AKAP19: variants seen among roughly 807,000 people sequenced by gnomAD.
AKAP19 encodes the protein A-kinase anchoring protein 19, also known as small A-kinase anchoring protein.
At chr2:190,004,434 G>A in the AKAP19 span, among the ~76,000 whole-genome samples, 1 of 151,926 alleles carries the variant, frequency 6.6e-6, no homozygotes, top group Non-Finnish European at 1.5e-5. Context: ...GTGACCCGTA[G>A]GGCCTTTTAC....
the AKAP19 span, among the ~76,000 whole-genome samples, chr2:190,115,293 ATATATATATTTTTTTTTTTTTTTTTTTTT>A: frequency 1.3e-4 from 1 of 7,582 alleles, no homozygotes; most frequent in African/African-American, 6.3e-4. Flanking sequence ...ATATATATAT[ATATATATATTTTTTTTTTTTTTTTTTTTT>A]TTTTTTTTTT....
the AKAP19 span, among the ~76,000 whole-genome samples, chr2:190,157,365 T>TACACACACACACACACACAC: frequency 8.5e-3 from 1,000 of 117,032 alleles, 13 homozygotes; most frequent in Middle Eastern, 0.016. Flanking sequence ...CCTAAACTTG[T>TACACACACACACACACACAC]ATACACACAC....
chr2:189,964,845 T>A, the AKAP19 span, among the ~76,000 whole-genome samples: 1 of 152,234 alleles, frequency 6.6e-6, no homozygotes, highest in Admixed American at 6.5e-5. Context: ...TCCAGACAAC[T>A]CAAACTTCCT....
At chr2:190,062,776 A>T in the AKAP19 span, 1 of 588,740 alleles carries the variant, frequency 1.7e-6, no homozygotes, top group South Asian at 2.1e-5. Flanking sequence ...CTTAGATGAG[A>T]CAAGTGTCGT....
chr2:190,173,431 C>T, the AKAP19 span, among the ~76,000 whole-genome samples: 1 of 152,218 alleles, frequency 6.6e-6, no homozygotes, highest in African/African-American at 2.4e-5. Context: ...GCAGAACTCA[C>T]TCTGTCCTCA....
At chr2:190,165,733 A>G in the AKAP19 span, among the ~76,000 whole-genome samples, 2 of 152,214 alleles carry the variant, frequency 1.3e-5, no homozygotes, top group African/African-American at 4.8e-5. Context: ...AGTCAAAGAG[A>G]TAATAGCTGA....
At chr2:190,111,744 GA>G in the AKAP19 span, among the ~76,000 whole-genome samples, 2 of 152,058 alleles carry the variant, frequency 1.3e-5, no homozygotes. Flanking sequence ...GGTTGGGGGG[GA>G]AAGAAGCAGA....
the AKAP19 span, among the ~76,000 whole-genome samples, chr2:190,054,059 A>G: frequency 6.6e-6 from 1 of 152,204 alleles, no homozygotes; most frequent in East Asian, 1.9e-4. Context: ...CAAAGTTCAG[A>G]TAAGTGTACC....
At chr2:190,023,741 C>T in the AKAP19 span, among the ~76,000 whole-genome samples, 50 of 150,102 alleles carry the variant, frequency 3.3e-4, no homozygotes, top group Non-Finnish European at 3.3e-4. Flanking sequence ...TCTTCTGGAG[C>T]ATTAACAGAG....
the AKAP19 span, among the ~76,000 whole-genome samples, chr2:190,032,347 C>A: frequency 1.3e-5 from 2 of 152,114 alleles, no homozygotes; most frequent in African/African-American, 4.8e-5. Context: ...TGATACAAAG[C>A]CTGTCACCTG....
At chr2:189,969,529 G>A in the AKAP19 span, among the ~76,000 whole-genome samples, 1 of 151,690 alleles carries the variant, frequency 6.6e-6, no homozygotes, top group Non-Finnish European at 1.5e-5. Context: ...AGGAGTTCAC[G>A]ACTAGCCTGG....
At chr2:190,139,793 C>T in the AKAP19 span, among the ~76,000 whole-genome samples, 12 of 152,200 alleles carry the variant, frequency 7.9e-5, no homozygotes, top group East Asian at 1.9e-4. Context: ...ATTCCTCCCC[C>T]GGCCCCTCCC....
chr2:190,080,205 T>G, the AKAP19 span, among the ~76,000 whole-genome samples: 39 of 152,216 alleles, frequency 2.6e-4, no homozygotes, highest in Non-Finnish European at 2.9e-5. Flanking sequence ...ATAAATATAT[T>G]CAGTGTGACA....
the AKAP19 span, among the ~76,000 whole-genome samples, chr2:190,172,883 C>T: frequency 3.3e-5 from 5 of 152,248 alleles, no homozygotes; most frequent in East Asian, 1.9e-4. Flanking sequence ...GAGGCTGAGG[C>T]GTGCCGATCA....
the AKAP19 span, among the ~76,000 whole-genome samples, chr2:190,105,534 TG>T: frequency 1.3e-5 from 2 of 152,228 alleles, no homozygotes; most frequent in Non-Finnish European, 2.9e-5. Context: ...CTGAGCTCTT[TG>T]TTGAAAAGTA....
At chr2:190,117,431 GA>G in the AKAP19 span, among the ~76,000 whole-genome samples, 1 of 150,058 alleles carries the variant, frequency 6.7e-6, no homozygotes, top group East Asian at 1.9e-4. Context: ...ATTCTTGAAG[GA>G]AAAAAAAAGG....
chr2:190,033,044 T>G, the AKAP19 span, among the ~76,000 whole-genome samples: 2 of 152,114 alleles, frequency 1.3e-5, no homozygotes, highest in East Asian at 3.8e-4. Context: ...AAGAAAAGGA[T>G]TGATTCTCAC....
At chr2:189,987,993 A>G in the AKAP19 span, among the ~76,000 whole-genome samples, 1 of 150,510 alleles carries the variant, frequency 6.6e-6, no homozygotes, top group East Asian at 2.0e-4. Context: ...AAAAACAATT[A>G]GGTGGATGGG....
chr2:190,131,703 A>G, the AKAP19 span, among the ~76,000 whole-genome samples: 1 of 152,218 alleles, frequency 6.6e-6, no homozygotes, highest in Non-Finnish European at 1.5e-5. Flanking sequence ...GCAGTCTTGT[A>G]GGATCAAACC....
Sources: gnomAD v4.1 joint callset for allele counts (sites outside exome capture counted in the v4.1 genomes callset) on GRCh38, gnomAD v4.1.1 for gene constraint, MANE v1.5 for transcripts, NCBI Gene and HGNC (gene_info 2026-07-23, HGNC 2026-07-21) for gene names.